The following CISD1 variants were observed in gnomAD, a reference collection of about 807,000 sequenced individuals.
CISD1 encodes CDGSH iron sulfur domain 1, also known as CDGSH iron-sulfur domain-containing protein 1.
CISD1 carries 8 observed loss-of-function variants against 12.0 expected under a neutral mutation model. The observed-to-expected ratio is 0.67, with a 90% CI of 0.39 to 1.20. The LOEUF (loss-of-function observed/expected upper bound fraction) is 1.20. Among genes scored for constraint, CISD1 ranks in the 50% most tolerant of loss-of-function variants. CISD1 has a pLI of 0.01. For missense variants in CISD1, 107 were observed against 132.7 expected (o/e 0.81, Z 0.95); for synonymous variants, 38 against 42.2 (o/e 0.90, Z 0.39).
intron 2 of CISD1, among the ~76,000 whole-genome samples, chr10:58,284,829 T>C (rs1485679874): frequency 6.6e-6 from 1 of 152,164 alleles, no homozygotes; most frequent in African/African-American, 2.4e-5. Flanking sequence ...TTTCAGTAAG[T>C]TATTTAGAAA....
In CISD1 at chr10:58,282,072, G is replaced by A. The variant is rs151012250; in HGVS notation, c.237+4750G>A. On this transcript the variant is annotated intron_variant, in intron 2 of 2. Coordinates refer to ENST00000333926, the MANE Select transcript of CISD1 (RefSeq NM_018464.5). ...CACCTTCTGGGTTCAAGCAATTCTCGTGTTTCAGCCTCCTGAGTAGCCGTG... is the reference window on the plus strand; with the variant it reads ...CACCTTCTGGGTTCAAGCAATTCTCATGTTTCAGCCTCCTGAGTAGCCGTG... Among the ~76,000 whole-genome samples, 52 of 151,678 alleles carry A rather than the reference G, an allele frequency of 3.4e-4. No individual in the cohort carries two copies. The East Asian group carries it at 7.8e-3, about 23-fold the overall frequency.
chr10:58,282,762 A>G (rs1188508860), intron 2 of CISD1: 1 of 152,268 alleles, frequency 6.6e-6, no homozygotes, highest in Non-Finnish European at 1.5e-5. Context: ...AAATGAGAGT[A>G]ACAGCACAGA....
At position 58,269,307 on chromosome 10, in the gene CISD1, G is replaced by T. The variant is rs1474139471; in HGVS notation, c.31+3G>T. 6.2e-7 allele frequency: 1 copy of T among 1,608,328 alleles called. No individual in the cohort carries two copies. Among genetic ancestry groups the T allele is most frequent in the Admixed American group, 1.7e-5 (1 of 59,944 alleles). On this transcript the variant is annotated splice_donor_region_variant and intron_variant, in intron 1 of 2. Coordinates refer to ENST00000333926, the MANE Select transcript of CISD1 (RefSeq NM_018464.5). ...GACTTCCAGTTCCAGCGTACGAGGT[G>T]AAGTGGGGCCTGGGAGCGGGTGAGG...
chr10:58,278,586 CA>C (rs554227635), intron 2 of CISD1, among the ~76,000 whole-genome samples: 274 of 151,856 alleles, frequency 1.8e-3, no homozygotes, highest in Middle Eastern at 3.4e-3. Context: ...AAAGGGCCCC[CA>C]AAAAAATCAA....
At chr10:58,281,681 C>T (rs1839375266) in intron 2 of CISD1, among the ~76,000 whole-genome samples, 1 of 152,174 alleles carries the variant, frequency 6.6e-6, no homozygotes, top group Non-Finnish European at 1.5e-5. Flanking sequence ...TTCCCTCATA[C>T]AAACCAGTTG....
intron 2 of CISD1, among the ~76,000 whole-genome samples, chr10:58,281,581 G>A (rs1347646194): frequency 6.6e-6 from 1 of 152,198 alleles, no homozygotes; most frequent in Non-Finnish European, 1.5e-5. Context: ...TTATCACACA[G>A]GTGCCAAGTC....
chr10:58,281,033 T>A (rs912001981), intron 2 of CISD1, among the ~76,000 whole-genome samples: 1 of 152,226 alleles, frequency 6.6e-6, no homozygotes, highest in Non-Finnish European at 1.5e-5. Flanking sequence ...ACATAATTGC[T>A]TGAGTGAACA....
chr10:58,286,518 ACT>A (rs1013982082), intron 2 of CISD1, among the ~76,000 whole-genome samples: 1 of 152,080 alleles, frequency 6.6e-6, no homozygotes, highest in African/African-American at 2.4e-5. Flanking sequence ...ACCTTGAGAA[ACT>A]CTGGGATAAA....
In CISD1 at chr10:58,285,931, C is replaced by T. The variant is rs189762476; in HGVS notation, c.238-1630C>T. Reference sequence around the variant, plus strand: ...AGTTTAATAAAGTTAACAGGCTGGGCGCGGTGGCTCACACCTGTAATCCCA... The same window carrying T: ...AGTTTAATAAAGTTAACAGGCTGGGTGCGGTGGCTCACACCTGTAATCCCA... On this transcript the variant is annotated intron_variant, in intron 2 of 2. Coordinates refer to ENST00000333926, the MANE Select transcript of CISD1 (RefSeq NM_018464.5). Among the ~76,000 whole-genome samples the T allele has an allele frequency of 3.2e-4, 48 of 152,172 alleles. No individual in the cohort carries two copies. In the South Asian group the frequency reaches 4.1e-3, roughly 13 times the overall value.
chr10:58,285,914 A>G (rs1401491806), intron 2 of CISD1, among the ~76,000 whole-genome samples: 3 of 152,200 alleles, frequency 2.0e-5, no homozygotes, highest in Non-Finnish European at 4.4e-5. Context: ...AAAGTTTAAT[A>G]AAGTTAACAG....
chr10:58,274,537 A>AG (rs1839290619), intron 1 of CISD1, among the ~76,000 whole-genome samples: 1 of 151,498 alleles, frequency 6.6e-6, no homozygotes, highest in African/African-American at 2.4e-5. Flanking sequence ...AAAAAAAAAA[A>AG]AGAAATGGAA....
chr10:58,273,220 T>C (rs916452346), intron 1 of CISD1, among the ~76,000 whole-genome samples: 1 of 151,980 alleles, frequency 6.6e-6, no homozygotes, highest in South Asian at 2.1e-4. Context: ...GATAGAAAAA[T>C]TGCACATAGG....
At position 58,280,904 on chromosome 10, in the gene CISD1, G is replaced by A. The variant is rs1168136589; in HGVS notation, c.237+3582G>A. On this transcript the variant is annotated intron_variant, in intron 2 of 2. Coordinates refer to ENST00000333926, the MANE Select transcript of CISD1 (RefSeq NM_018464.5). ...ATTGCCATTTTGGTGTCATTTCAAC[G>A]GAGTAATTAGAATAGAAGCTATGTC... Among the ~76,000 whole-genome samples the A allele has an allele frequency of 2.6e-5, 4 of 152,186 alleles. No individual in the cohort carries two copies. In the East Asian group the frequency reaches 5.8e-4, roughly 22 times the overall value.
chr10:58,273,659 T>C (rs567282651), intron 1 of CISD1, among the ~76,000 whole-genome samples: 7 of 152,326 alleles, frequency 4.6e-5, no homozygotes, highest in South Asian at 4.1e-4. Flanking sequence ...ACAATAGTAC[T>C]CCAATGGAAG....
chr10:58,277,726 G>C (rs1187526842), intron 2 of CISD1, among the ~76,000 whole-genome samples: 1 of 149,952 alleles, frequency 6.7e-6, no homozygotes, highest in East Asian at 1.9e-4. Flanking sequence ...ATCGAGTTCA[G>C]GCAGATTTAA....
Position 58,269,224 on chromosome 10 carries a change from C to G in CISD1, c.-50C>G, listed in dbSNP as rs776217903. ...CCTTTACTCTCGCCGGCCGCGCGAACCCGTTTGAGCTCGGTATCCTAGTGC... is the reference window on the plus strand; with the variant it reads ...CCTTTACTCTCGCCGGCCGCGCGAAGCCGTTTGAGCTCGGTATCCTAGTGC... On this transcript the variant is annotated 5_prime_UTR_variant, in exon 1 of 3. Transcript: ENST00000333926. 13 of 1,595,236 alleles carry G rather than the reference C, an allele frequency of 8.1e-6. No homozygotes were observed. In the Admixed American group the frequency reaches 1.5e-4, roughly 18 times the overall value.
intron 1 of CISD1, among the ~76,000 whole-genome samples, chr10:58,272,846 G>A (rs1399267722): frequency 6.6e-6 from 1 of 152,188 alleles, no homozygotes; most frequent in Non-Finnish European, 1.5e-5. Context: ...TTGAACCCAG[G>A]AGGCAGAGGT....
At position 58,287,722 on chromosome 10, in the gene CISD1, CTCTG is replaced by C; in HGVS notation, c.*77_*80del. ...ATTGTTTAATTAGAATGACTACCAC[CTCTG>C]TCTGATTCACCTTCGCTGGATTCTA... On this transcript the variant is annotated 3_prime_UTR_variant, in exon 3 of 3. Transcript: ENST00000333926. 1.1e-6 allele frequency: 1 copy of C among 930,606 alleles called. No individual in the cohort carries two copies. Among genetic ancestry groups the C allele is most frequent in the East Asian group, 2.7e-5 (1 of 37,086 alleles). The allele number at this position is 930,606 out of a possible 1,614,324, so 57.6% of individuals were successfully genotyped here.
At chr10:58,269,543 T>C (rs1350952572) in intron 1 of CISD1, among the ~76,000 whole-genome samples, 2 of 152,216 alleles carry the variant, frequency 1.3e-5, no homozygotes, top group Non-Finnish European at 2.9e-5. Context: ...TTACCCCAGC[T>C]AGCCAAACCC....
Sources: allele counts gnomAD v4.1 joint callset (sites outside exome capture counted in the v4.1 genomes callset), GRCh38; gene constraint gnomAD v4.1.1; transcripts MANE v1.5; gene names NCBI Gene and HGNC (gene_info 2026-07-23, HGNC 2026-07-21).